FAR2: variants seen among roughly 807,000 people sequenced by gnomAD.
The protein encoded by FAR2 is fatty acyl-CoA reductase 2, also known as epididymis secretory protein Li 81.
Under a neutral mutation model 56.0 loss-of-function variants are expected in FAR2, and 19 were observed. The ratio of observed to expected loss-of-function variants is 0.34; its 90% confidence interval spans 0.24 to 0.50. The LOEUF is 0.50. Ranked by LOEUF, FAR2 falls within the 20% of genes least tolerant of loss-of-function variation. The pLI is 0.98. For synonymous variants in FAR2, 219 were observed against 218.8 expected (o/e 1.00, Z -0.01); for missense variants, 508 against 642.2 (o/e 0.79, Z 2.26).
In FAR2 at chr12:29,307,745, A is replaced by G. The variant is rs773035551; in HGVS notation, c.633A>G (p.Gly211=). ...PNIYTYTKAL[G]EMVVQQESRN... is the part of the protein sequence containing the mutation. ...TTTATACCTACACCAAGGCCTTGGG[A>G]GAAATGGTGGTGCAGCAAGAGAGCA... Residue 211 remains glycine, a synonymous_variant, in exon 5 of 12, where the codon GGA becomes GGG. Transcript: ENST00000536681. 3.7e-6 allele frequency: 6 copies of G among 1,613,834 alleles called. No homozygotes were observed. The Admixed American group carries it at 1.0e-4, about 27-fold the overall frequency.
At chr12:29,245,872 A>G (rs550905992) in intron 1 of FAR2, among the ~76,000 whole-genome samples, 11 of 152,122 alleles carry the variant, frequency 7.2e-5, no homozygotes, top group Admixed American at 5.2e-4. Context: ...CACTACCCCA[A>G]ATACCTTCTT....
intron 10 of FAR2, among the ~76,000 whole-genome samples, chr12:29,323,878 C>T (rs374444321): frequency 5.9e-5 from 9 of 152,056 alleles, no homozygotes; most frequent in East Asian, 1.9e-4. Context: ...TCACCGGCAA[C>T]GGAACAAAGC....
At chr12:29,299,936 GTAT>G (rs1362761005) in intron 4 of FAR2, among the ~76,000 whole-genome samples, 1 of 152,210 alleles carries the variant, frequency 6.6e-6, no homozygotes, top group Non-Finnish European at 1.5e-5. Context: ...GTGTTCAGCT[GTAT>G]TATTGCTTGT....
At chr12:29,191,280 A>AC (rs1204166106) in intron 1 of FAR2, among the ~76,000 whole-genome samples, 26 of 152,156 alleles carry the variant, frequency 1.7e-4, no homozygotes, top group African/African-American at 6.3e-4. Context: ...CCCCATCTCT[A>AC]CCCTGAGCCA....
chr12:29,163,753 G>T (rs1295268924), intron 1 of FAR2, among the ~76,000 whole-genome samples: 1 of 152,230 alleles, frequency 6.6e-6, no homozygotes, highest in East Asian at 1.9e-4. Context: ...CTGGGAGACA[G>T]ATTCGTGGAT....
At chr12:29,161,642 TTC>T (rs1949783128) in intron 1 of FAR2, among the ~76,000 whole-genome samples, 1 of 151,740 alleles carries the variant, frequency 6.6e-6, no homozygotes, top group Non-Finnish European at 1.5e-5. Context: ...ACGTACACAT[TTC>T]TTTGGGGTAT....
At chr12:29,273,890 G>GCACTCACC (rs1948661140) in intron 2 of FAR2, among the ~76,000 whole-genome samples, 2 of 151,978 alleles carry the variant, frequency 1.3e-5, no homozygotes, top group South Asian at 4.2e-4. Flanking sequence ...GGGGAGAGGG[G>GCACTCACC]ACTCCCCTTC....
At chr12:29,242,887 A>C (rs1457818526) in intron 1 of FAR2, among the ~76,000 whole-genome samples, 1 of 152,194 alleles carries the variant, frequency 6.6e-6, no homozygotes, top group African/African-American at 2.4e-5. Flanking sequence ...AATCTTTATA[A>C]ATCCCCTTAT....
At chr12:29,216,659 A>G (rs971945949) in intron 1 of FAR2, among the ~76,000 whole-genome samples, 1 of 152,176 alleles carries the variant, frequency 6.6e-6, no homozygotes, top group Non-Finnish European at 1.5e-5. Flanking sequence ...AAACAGCTGA[A>G]AAAAAAGGCT....
intron 1 of FAR2, among the ~76,000 whole-genome samples, chr12:29,219,361 A>T (rs1947658953): frequency 6.6e-6 from 1 of 152,214 alleles, no homozygotes; most frequent in Non-Finnish European, 1.5e-5. Flanking sequence ...CTCTTGGGGA[A>T]AAGAATACCT....
At chr12:29,256,374 G>C (rs1251354107) in intron 1 of FAR2, among the ~76,000 whole-genome samples, 1 of 152,084 alleles carries the variant, frequency 6.6e-6, no homozygotes, top group Non-Finnish European at 1.5e-5. Flanking sequence ...TTTTAGTAGA[G>C]ACGGGGTCTC....
intron 9 of FAR2, among the ~76,000 whole-genome samples, chr12:29,320,194 G>A (rs1354889366): frequency 2.6e-5 from 4 of 152,128 alleles, no homozygotes; most frequent in Admixed American, 6.6e-5. Context: ...GCAATAAAGC[G>A]AGACCCTGTC....
chr12:29,319,994 G>C (rs1949525483), intron 9 of FAR2, among the ~76,000 whole-genome samples: 1 of 152,062 alleles, frequency 6.6e-6, no homozygotes, highest in Non-Finnish European at 1.5e-5. Flanking sequence ...TTAAGCCCAG[G>C]ACTTCAAGAC....
chr12:29,271,470 C>T (rs758433686), intron 2 of FAR2, among the ~76,000 whole-genome samples: 2 of 152,156 alleles, frequency 1.3e-5, no homozygotes, highest in Admixed American at 6.5e-5. Flanking sequence ...TCATAATGCA[C>T]TTTGGAATAT....
At position 29,187,811 on chromosome 12, in the gene FAR2, T is replaced by C. The variant is rs924425629; in HGVS notation, c.-39+38404T>C. Among the ~76,000 whole-genome samples, 4 of 152,338 alleles carry C rather than the reference T, an allele frequency of 2.6e-5. 1 individual carries two copies. The highest frequency in any genetic ancestry group is 3.9e-4 in the East Asian group (2 of 5,190). On this transcript the variant is annotated intron_variant, in intron 1 of 11. Coordinates refer to ENST00000536681, the MANE Select transcript of FAR2 (RefSeq NM_001271783.2). ...AATATTTTATGCTTTACCAACTTAATGGTTTCTGTCAGAACTACTCAACTC... is the reference window on the plus strand; with the variant it reads ...AATATTTTATGCTTTACCAACTTAACGGTTTCTGTCAGAACTACTCAACTC...
chr12:29,314,611 C>A (rs1477622344), intron 8 of FAR2, among the ~76,000 whole-genome samples: 1 of 151,988 alleles, frequency 6.6e-6, no homozygotes, highest in Non-Finnish European at 1.5e-5. Flanking sequence ...CCCAGCCTCA[C>A]CCCTCCCCTT....
chr12:29,276,079 T>C (rs737160), intron 2 of FAR2, among the ~76,000 whole-genome samples: 66,129 of 152,002 alleles, frequency 0.44, 15,470 homozygotes, highest in African/African-American at 0.62. Context: ...ATACGACCAA[T>C]TGTGAGTTGT....
intron 4 of FAR2, among the ~76,000 whole-genome samples, chr12:29,305,528 G>A (rs1949241250): frequency 6.6e-6 from 1 of 152,098 alleles, no homozygotes; most frequent in Non-Finnish European, 1.5e-5. Context: ...AGGTTTATTG[G>A]CTCATTTTGT....
intron 1 of FAR2, among the ~76,000 whole-genome samples, chr12:29,248,599 G>A (rs904970563): frequency 7.2e-5 from 11 of 152,092 alleles, no homozygotes; most frequent in Admixed American, 2.0e-4. Flanking sequence ...ATGAAGTTTC[G>A]GGCACCATTG....
Sources: allele counts gnomAD v4.1 joint callset (sites outside exome capture counted in the v4.1 genomes callset), GRCh38; gene constraint gnomAD v4.1.1; transcripts MANE v1.5; gene names NCBI Gene and HGNC (gene_info 2026-07-23, HGNC 2026-07-21).